Variants in SLAIN2 observed in about 807,000 individuals in gnomAD.
SLAIN2 encodes SLAIN motif-containing protein 2.
A neutral mutation model predicts 56.6 loss-of-function variants in SLAIN2; 31 were observed. The observed-to-expected ratio is 0.55, with a 90% CI of 0.41 to 0.74. The LOEUF is 0.74. SLAIN2 is among the 30% of genes least tolerant of loss of function. The pLI is 0.00. For synonymous variants in SLAIN2, 317 were observed against 284.9 expected (o/e 1.11, Z -1.13); for missense variants, 777 against 754.2 (o/e 1.03, Z -0.35).
chr4:48,372,063 T>TAC lies in SLAIN2; in HGVS notation c.538+2078_538+2079dup, dbSNP rs1310786702. On this transcript the variant is annotated intron_variant, in intron 2 of 7. Coordinates refer to ENST00000264313, the MANE Select transcript of SLAIN2 (RefSeq NM_020846.2). The stretch of plus-strand genomic sequence containing the variant: ...ATATACATATATACATATATATATA[T>TAC]ACACACACACACATATATATCCCTA... Among the ~76,000 whole-genome samples, 169 of 132,222 alleles carry TAC rather than the reference T, an allele frequency of 1.3e-3. 1 individual carries two copies. Among genetic ancestry groups the TAC allele is most frequent in the African/African-American group, 3.8e-3 (133 of 35,102 alleles). The allele number at this position is 132,222 out of a possible 152,430, so 86.7% of individuals were successfully genotyped here.
At chr4:48,383,887 C>G (rs1020604791) in intron 6 of SLAIN2, 103 bp downstream of exon 6, 28 of 1,242,824 alleles carry the variant, frequency 2.3e-5, no homozygotes, top group Non-Finnish European at 3.3e-6. Context: ...GCTGAAAAAC[C>G]GTTTTAAACC....
chr4:48,376,252 G>A (rs183776610), intron 2 of SLAIN2, among the ~76,000 whole-genome samples: 4 of 152,162 alleles, frequency 2.6e-5, no homozygotes, highest in East Asian at 1.9e-4. Context: ...TCAGGATTTC[G>A]AAACCAGCCT....
intron 6 of SLAIN2, among the ~76,000 whole-genome samples, chr4:48,408,782 T>G (rs140146108): frequency 0.012 from 1,826 of 152,150 alleles, 11 homozygotes; most frequent in Non-Finnish European, 0.019. Context: ...GTGTGTAGTA[T>G]TTATAAGGTT....
At chr4:48,418,510 A>G (rs1009005302) in intron 6 of SLAIN2, among the ~76,000 whole-genome samples, 46 of 152,160 alleles carry the variant, frequency 3.0e-4, no homozygotes, top group Admixed American at 4.6e-4. Flanking sequence ...CTCCTTAGTC[A>G]TGGCATATAA....
chr4:48,341,920 G>A lies in SLAIN2; in HGVS notation c.181G>A (p.Ala61Thr). Residue 61 changes from alanine to threonine, a missense_variant, in exon 1 of 8, where the codon GCG (alanine) becomes ACG (threonine). Transcript: ENST00000264313. ...CGGCGCGTCCATTCCCTCCTCCGGC[G>A]CGGCGTCTCCTCGGGGCTTCCCCTT... ...RAGASIPSSG[A>T]ASPRGFPLGL... The A allele has an allele frequency of 6.6e-7, 1 of 1,505,910 alleles. No individual in the cohort carries two copies. Among genetic ancestry groups the A allele is most frequent in the Non-Finnish European group, 8.9e-7 (1 of 1,129,162 alleles). The allele number at this position is 1,505,910 out of a possible 1,614,324, so 93.3% of individuals were successfully genotyped here.
At chr4:48,384,136 C>A (rs1029806095) in intron 6 of SLAIN2, among the ~76,000 whole-genome samples, 1 of 152,080 alleles carries the variant, frequency 6.6e-6, no homozygotes, top group Non-Finnish European at 1.5e-5. Flanking sequence ...AAATATATGT[C>A]CCTTAGTACG....
chr4:48,379,708 A>G lies in SLAIN2; in HGVS notation c.722A>G (p.Asp241Gly). ...TTTTAAGGTAACTTGAAAAGCTCAG[A>G]CAGAAATCCTCCACTCAGTCCTCAG... ...PGNSGNLKSS[D>G]RNPPLSPQSS... The change falls in exon 4 of 8, where the codon GAC (aspartate) becomes GGC (glycine). Residue 241 changes from aspartate (D) to glycine (G), a missense_variant. Asp to Gly is a moderately conservative substitution (Grantham distance 94). Coordinates refer to ENST00000264313, the MANE Select transcript of SLAIN2 (RefSeq NM_020846.2). 2.1e-6 allele frequency: 3 copies of G among 1,449,822 alleles called. No individual in the cohort carries two copies. Among genetic ancestry groups the G allele is most frequent in the African/African-American group, 1.5e-5 (1 of 68,126 alleles). The allele number at this position is 1,449,822 out of a possible 1,614,324, so 89.8% of individuals were successfully genotyped here.
At chr4:48,371,606 C>G (rs1044978521) in intron 2 of SLAIN2, among the ~76,000 whole-genome samples, 8 of 152,088 alleles carry the variant, frequency 5.3e-5, no homozygotes, top group African/African-American at 1.9e-4. Flanking sequence ...TGGAAATTTT[C>G]TGACTATATA....
intron 2 of SLAIN2, among the ~76,000 whole-genome samples, chr4:48,371,567 A>G (rs1170380833): frequency 6.6e-6 from 1 of 152,172 alleles, no homozygotes; most frequent in South Asian, 2.1e-4. Flanking sequence ...TCTGGCATTA[A>G]TGTACTTAAT....
In SLAIN2 at chr4:48,341,718, C is replaced by A; in HGVS notation, c.-22C>A. On this transcript the variant is annotated 5_prime_UTR_variant, in exon 1 of 8. Transcript: ENST00000264313. ...TGCGAGAGCGAGCGGGCGGCGGAGG[C>A]GGCGGCGGCGGCGGGGCCGGGATGG... 1 of 1,467,876 alleles carries A rather than the reference C, an allele frequency of 6.8e-7. No homozygotes were observed. 90.9% of individuals were successfully genotyped at this position (1,467,876 alleles called of 1,614,324 possible). A position where few individuals can be genotyped will look rare whatever the true frequency, so the allele number is the denominator to read the frequency against.
chr4:48,418,138 CCTT>C (rs1717047541), intron 6 of SLAIN2, among the ~76,000 whole-genome samples: 1 of 151,248 alleles, frequency 6.6e-6, no homozygotes, highest in East Asian at 1.9e-4. Context: ...TCTCCTTCCT[CCTT>C]CTTTCTCCTT....
chr4:48,389,100 T>C (rs1331013820), intron 6 of SLAIN2, among the ~76,000 whole-genome samples: 2 of 152,050 alleles, frequency 1.3e-5, no homozygotes, highest in Non-Finnish European at 2.9e-5. Flanking sequence ...AAACACAAAT[T>C]GAAATAAATA....
intron 6 of SLAIN2, among the ~76,000 whole-genome samples, chr4:48,400,783 G>A (rs1450933111): frequency 6.6e-6 from 1 of 150,852 alleles, no homozygotes; most frequent in African/African-American, 2.4e-5. Flanking sequence ...TTGTTTGTTT[G>A]TTTTTTTAAG....
chr4:48,373,397 T>C (rs1053822714), intron 2 of SLAIN2, among the ~76,000 whole-genome samples: 6 of 152,214 alleles, frequency 3.9e-5, no homozygotes, highest in African/African-American at 1.4e-4. Flanking sequence ...TTTTGCCTCA[T>C]GTCTCTCCCT....
intron 6 of SLAIN2, among the ~76,000 whole-genome samples, chr4:48,403,113 C>A (rs1716598118): frequency 6.6e-6 from 1 of 152,238 alleles, no homozygotes; most frequent in Non-Finnish European, 1.5e-5. Context: ...CAGGGGGACA[C>A]TGACCTGATG....
chr4:48,385,424 C>T (rs1393642763), intron 6 of SLAIN2, among the ~76,000 whole-genome samples: 1 of 151,994 alleles, frequency 6.6e-6, no homozygotes, highest in Non-Finnish European at 1.5e-5. Flanking sequence ...CACTCAGATC[C>T]TTGTAGGTAC....
At chr4:48,371,261 T>C (rs1715657280) in intron 2 of SLAIN2, among the ~76,000 whole-genome samples, 1 of 151,894 alleles carries the variant, frequency 6.6e-6, no homozygotes, top group South Asian at 2.1e-4. Flanking sequence ...TTTGTAGAGA[T>C]GGGATTTTAC....
chr4:48,352,648 A>T (rs192924151), intron 1 of SLAIN2, among the ~76,000 whole-genome samples: 93 of 152,324 alleles, frequency 6.1e-4, no homozygotes, highest in African/African-American at 2.1e-3. Flanking sequence ...TTGGGGCAAA[A>T]TTACCACAGG....
intron 1 of SLAIN2, among the ~76,000 whole-genome samples, chr4:48,346,993 G>C (rs1577706205): frequency 6.6e-6 from 1 of 151,744 alleles, no homozygotes; most frequent in African/African-American, 2.4e-5. Flanking sequence ...ATTGTTAGCA[G>C]TGGTTTTCCA....
Sources: gnomAD v4.1 joint callset for allele counts (sites outside exome capture counted in the v4.1 genomes callset) on GRCh38, gnomAD v4.1.1 for gene constraint, MANE v1.5 for transcripts, NCBI Gene and HGNC (gene_info 2026-07-23, HGNC 2026-07-21) for gene names.